The following TMEFF1 variants were observed in gnomAD, a reference collection of about 807,000 sequenced individuals.
TMEFF1 encodes the protein transmembrane protein with EGF like and two follistatin like domains 1.
A neutral mutation model predicts 47.5 loss-of-function variants in TMEFF1; 20 were observed. That is an observed-to-expected ratio of 0.42 (90% CI 0.30 to 0.61). The LOEUF is 0.61. TMEFF1 is among the 20% of genes least tolerant of loss of function. The probability of loss-of-function intolerance (pLI) is 0.19; values close to 1 mark genes in which losing one functional copy is unlikely to be tolerated. For synonymous variants in TMEFF1, 162 were observed against 166.3 expected, an observed-to-expected ratio of 0.97 and a Z score of 0.20; for missense variants, 411 against 471.1, an observed-to-expected ratio of 0.87 and a Z score of 1.18.
chr9:100,558,753 T>A (rs564164826), intron 7 of TMEFF1, among the ~76,000 whole-genome samples: 1 of 152,168 alleles, frequency 6.6e-6, no homozygotes, highest in Non-Finnish European at 1.5e-5. Context: ...TTTATTCATT[T>A]AACAAACATT....
At position 100,537,174 on chromosome 9, in the gene TMEFF1, T is replaced by G. The variant is rs1231351062; in HGVS notation, c.561-10570T>G. Reference sequence around the variant, plus strand: ...AGTTAAGTATGTGTCTAAAGTTTGATGTGGTTATCAGAAAAGTTAATGCAA... The same window carrying G: ...AGTTAAGTATGTGTCTAAAGTTTGAGGTGGTTATCAGAAAAGTTAATGCAA... On this transcript the variant is annotated intron_variant, in intron 5 of 9. Transcript: ENST00000374879. Among the ~76,000 whole-genome samples, 3 of 152,348 alleles carry G rather than the reference T, an allele frequency of 2.0e-5. No individual in the cohort carries two copies. In the East Asian group the frequency reaches 5.8e-4, roughly 29 times the overall value.
intron 9 of TMEFF1, 140 bp downstream of exon 9, chr9:100,572,816 T>C (rs543990746): frequency 7.4e-6 from 8 of 1,079,446 alleles, no homozygotes; most frequent in South Asian, 2.0e-5. Context: ...TCCCTATCCT[T>C]CTTCTTTAGG....
At chr9:100,543,554 T>A (rs369245285) in intron 5 of TMEFF1, among the ~76,000 whole-genome samples, 4 of 152,072 alleles carry the variant, frequency 2.6e-5, no homozygotes, top group African/African-American at 9.6e-5. Context: ...TGAAATTGAG[T>A]TTCTCCAGAG....
intron 1 of TMEFF1, among the ~76,000 whole-genome samples, chr9:100,496,586 C>A (rs1033932153): frequency 2.0e-5 from 3 of 152,152 alleles, no homozygotes; most frequent in Non-Finnish European, 4.4e-5. Context: ...ATGATTATTC[C>A]CCTAAAGTAT....
At position 100,512,640 on chromosome 9, in the gene TMEFF1, T is replaced by C. The variant is rs1587829719; in HGVS notation, c.437-667T>C. On this transcript the variant is annotated intron_variant, in intron 3 of 9. Transcript: ENST00000374879. Reference sequence around the variant, plus strand: ...GGTTCCTTTAGGATTATAGAATAAATATTTTACATTAATTGTACTTGAGAC... The same window carrying C: ...GGTTCCTTTAGGATTATAGAATAAACATTTTACATTAATTGTACTTGAGAC... 2.0e-5 allele frequency among the ~76,000 whole-genome samples: 3 copies of C among 152,338 alleles called. No individual in the cohort carries two copies. The East Asian group carries it at 5.8e-4, about 29-fold the overall frequency.
At chr9:100,513,197 CTCTT>C in intron 3 of TMEFF1, 106 bp from the exon 4 acceptor site, 1 of 1,409,882 alleles carries the variant, frequency 7.1e-7, no homozygotes, top group Admixed American at 2.3e-5. Context: ...GAGAAAAGGA[CTCTT>C]TGAGAATGGA....
rs141004982 is a variant in TMEFF1 at position 100,487,931 on chromosome 9, A to G, written c.197-10834A>G. Among the ~76,000 whole-genome samples, 630 of 152,238 alleles carry G rather than the reference A, an allele frequency of 4.1e-3. 5 individuals are homozygous for G. The highest frequency in any genetic ancestry group is 0.014 in the African/African-American group (595 of 41,534). ...AGTCTTTAAAAAATTATCTTTTAAA[A>G]TCATTAATACCAGGTTTTTCAGTGC... On this transcript the variant is annotated intron_variant, in intron 1 of 9. Coordinates refer to ENST00000374879, the MANE Select transcript of TMEFF1 (RefSeq NM_003692.5).
At chr9:100,540,406 G>A (rs1425252929) in intron 5 of TMEFF1, among the ~76,000 whole-genome samples, 4 of 152,222 alleles carry the variant, frequency 2.6e-5, no homozygotes, top group Admixed American at 6.5e-5. Context: ...GGGACCTTGC[G>A]GCACCTAGCC....
intron 5 of TMEFF1, among the ~76,000 whole-genome samples, chr9:100,537,793 C>T (rs1381032307): frequency 6.6e-6 from 1 of 152,210 alleles, no homozygotes; most frequent in Non-Finnish European, 1.5e-5. Flanking sequence ...TTATCCACAA[C>T]TTTTACCTGA....
At chr9:100,566,948 A>C (rs7467938) in intron 8 of TMEFF1, among the ~76,000 whole-genome samples, 1 of 152,004 alleles carries the variant, frequency 6.6e-6, no homozygotes, top group African/African-American at 2.4e-5. Flanking sequence ...AGACAGTTTC[A>C]TCATGTTGCG....
intron 6 of TMEFF1, 114 bp downstream of exon 6, chr9:100,548,006 AT>A (rs991456245): frequency 1.2e-5 from 14 of 1,191,352 alleles, no homozygotes; most frequent in African/African-American, 6.4e-5. Flanking sequence ...TCGAAGCTTT[AT>A]TTTTTTATTA....
intron 5 of TMEFF1, among the ~76,000 whole-genome samples, chr9:100,526,621 A>G (rs1410937972): frequency 6.6e-6 from 1 of 152,072 alleles, no homozygotes; most frequent in Non-Finnish European, 1.5e-5. Context: ...CATATACGTT[A>G]TTAGTTGGTA....
At chr9:100,572,881 G>C (rs1426784092) in intron 9 of TMEFF1, among the ~76,000 whole-genome samples, 3 of 151,932 alleles carry the variant, frequency 2.0e-5, no homozygotes, top group Non-Finnish European at 4.4e-5. Context: ...GACAAGCAGA[G>C]AGGGAATGAG....
intron 3 of TMEFF1, among the ~76,000 whole-genome samples, chr9:100,510,452 T>G (rs1837940867): frequency 6.6e-6 from 1 of 152,146 alleles, no homozygotes; most frequent in South Asian, 2.1e-4. Flanking sequence ...CCAGGAAAGC[T>G]TGCCTGAGCA....
chr9:100,519,114 T>C (rs1361740369), intron 5 of TMEFF1, among the ~76,000 whole-genome samples: 2 of 152,298 alleles, frequency 1.3e-5, no homozygotes, highest in Admixed American at 6.5e-5. Flanking sequence ...TAAGGTAGGA[T>C]CTTAATATTT....
intron 7 of TMEFF1, among the ~76,000 whole-genome samples, chr9:100,555,682 C>G (rs1838902928): frequency 6.6e-6 from 1 of 152,118 alleles, no homozygotes; most frequent in South Asian, 2.1e-4. Flanking sequence ...ATTTTTAATA[C>G]TTTTGTTTCC....
chr9:100,557,758 T>C (rs572914169), intron 7 of TMEFF1, among the ~76,000 whole-genome samples: 1 of 152,290 alleles, frequency 6.6e-6, no homozygotes, highest in African/African-American at 2.4e-5. Flanking sequence ...CCTTGTGTTA[T>C]TCAGCTTTTC....
At chr9:100,490,438 G>T (rs1158073339) in intron 1 of TMEFF1, among the ~76,000 whole-genome samples, 1 of 152,118 alleles carries the variant, frequency 6.6e-6, no homozygotes, top group African/African-American at 2.4e-5. Flanking sequence ...TCAGTGATTT[G>T]TGTCATTAGA....
intron 5 of TMEFF1, among the ~76,000 whole-genome samples, chr9:100,545,847 G>A (rs1838722201): frequency 6.6e-6 from 1 of 152,258 alleles, no homozygotes. Context: ...GATCTCTAGG[G>A]CAGGGGCAAA....
Sources: gnomAD v4.1 joint callset for allele counts (sites outside exome capture counted in the v4.1 genomes callset) on GRCh38, gnomAD v4.1.1 for gene constraint, MANE v1.5 for transcripts, NCBI Gene and HGNC (gene_info 2026-07-23, HGNC 2026-07-21) for gene names.